BEND6: variants seen among roughly 807,000 people sequenced by gnomAD.
The protein encoded by BEND6 is BEN domain containing 6.
BEND6 carries 24 observed loss-of-function variants against 31.8 expected under a neutral mutation model. The ratio of observed to expected loss-of-function variants is 0.75; its 90% CI spans 0.55 to 1.06. BEND6 has a LOEUF of 1.06. Ranked by LOEUF, BEND6 falls within the 50% of genes least tolerant of loss-of-function variation. The pLI is 0.00. For missense variants in BEND6, 294 were observed against 327.4 expected (o/e 0.90, Z 0.79); for synonymous variants, 109 against 114.6 (o/e 0.95, Z 0.31).
intron 1 of BEND6, among the ~76,000 whole-genome samples, chr6:56,957,176 A>C (rs1385334298): frequency 6.6e-6 from 1 of 152,240 alleles, no homozygotes; most frequent in Non-Finnish European, 1.5e-5. Flanking sequence ...AACTGTTATC[A>C]TCCTGCGTCT....
At chr6:57,013,224 C>A (rs1299916294) in intron 3 of BEND6, among the ~76,000 whole-genome samples, 1 of 152,196 alleles carries the variant, frequency 6.6e-6, no homozygotes, top group Non-Finnish European at 1.5e-5. Context: ...AAACCACCCT[C>A]ATATTCAATA....
Position 57,016,637 on chromosome 6 carries a change from G to T in BEND6, c.520-570G>T, listed in dbSNP as rs1827569605. The stretch of plus-strand genomic sequence containing the variant: ...TTCAAAGCCAGCAACAGCAAGTGAA[G>T]TCCCTCTCACACTTCAGATCTTCCC... On this transcript the variant is annotated intron_variant, in intron 4 of 6. Coordinates refer to ENST00000370746, the MANE Select transcript of BEND6 (RefSeq NM_152731.3). 2.0e-5 allele frequency among the ~76,000 whole-genome samples: 3 copies of T among 152,174 alleles called. No homozygotes were observed. In the South Asian group the frequency reaches 6.2e-4, roughly 32 times the overall value.
At chr6:57,004,915 A>G in intron 3 of BEND6, 1 of 558,190 alleles carries the variant, frequency 1.8e-6, no homozygotes, top group Non-Finnish European at 3.2e-6. Context: ...CAGGAGGATG[A>G]GGCAAGAGAG....
At chr6:57,002,778 C>A (rs1826993252) in intron 3 of BEND6, among the ~76,000 whole-genome samples, 1 of 151,930 alleles carries the variant, frequency 6.6e-6, no homozygotes, top group South Asian at 2.1e-4. Context: ...CCTCAATGAT[C>A]TAACATTACA....
At chr6:57,011,672 C>T (rs1413081084) in intron 3 of BEND6, among the ~76,000 whole-genome samples, 1 of 124,516 alleles carries the variant, frequency 8.0e-6, no homozygotes, top group Non-Finnish European at 1.6e-5. Flanking sequence ...AAGCTGTGAT[C>T]ATGCCACTCT....
intron 6 of BEND6, among the ~76,000 whole-genome samples, chr6:57,019,909 A>G (rs1827683776): frequency 6.6e-6 from 1 of 152,148 alleles, no homozygotes; most frequent in Admixed American, 6.5e-5. Context: ...CCTGGCCAAC[A>G]TGGCAAGACC....
intron 2 of BEND6, among the ~76,000 whole-genome samples, chr6:56,985,637 G>A (rs1433273216): frequency 6.6e-6 from 1 of 152,178 alleles, no homozygotes; most frequent in Non-Finnish European, 1.5e-5. Context: ...AGCCACGTGG[G>A]AGTCAGGGAA....
chr6:56,975,849 AATGCCT>A (rs577232562), intron 1 of BEND6: 63 of 529,874 alleles, frequency 1.2e-4, no homozygotes, highest in Middle Eastern at 9.8e-4. Context: ...ACTGACCTCT[AATGCCT>A]ATGTTCATCA....
intron 1 of BEND6, among the ~76,000 whole-genome samples, chr6:56,964,716 G>A (rs982904958): frequency 1.3e-5 from 2 of 152,096 alleles, no homozygotes; most frequent in Non-Finnish European, 2.9e-5. Context: ...ACTCAGGCTG[G>A]TAATTCTTGG....
At chr6:56,976,238 C>T (rs1169462133) in intron 1 of BEND6, among the ~76,000 whole-genome samples, 2 of 151,324 alleles carry the variant, frequency 1.3e-5, no homozygotes, top group African/African-American at 4.9e-5. Flanking sequence ...CTCTGTCACC[C>T]AGGCTGGAGT....
At chr6:57,012,698 C>T (rs1353301314) in intron 3 of BEND6, among the ~76,000 whole-genome samples, 1 of 152,006 alleles carries the variant, frequency 6.6e-6, no homozygotes, top group Non-Finnish European at 1.5e-5. Flanking sequence ...ATGTATACAG[C>T]ATGGTTCTAA....
chr6:56,980,291 C>A (rs1826023777), intron 1 of BEND6, among the ~76,000 whole-genome samples: 1 of 152,186 alleles, frequency 6.6e-6, no homozygotes. Context: ...CAGGTTCAAG[C>A]AATTCTCATG....
chr6:57,021,616 C>G (rs752422903), intron 6 of BEND6, among the ~76,000 whole-genome samples: 28 of 152,098 alleles, frequency 1.8e-4, no homozygotes, highest in Non-Finnish European at 3.4e-4. Flanking sequence ...TTTTTTCCAG[C>G]CTGTCTCCAT....
chr6:57,004,768 G>T, intron 3 of BEND6: 1 of 1,034,726 alleles, frequency 9.7e-7, no homozygotes, highest in Non-Finnish European at 1.5e-6. Context: ...TCACCTGAAT[G>T]AGCAGGTGAA....
chr6:56,982,069 A>G (rs1301080082), intron 2 of BEND6, 139 bp downstream of exon 2: 8 of 1,085,624 alleles, frequency 7.4e-6, no homozygotes, highest in Non-Finnish European at 8.9e-6. Flanking sequence ...AGAAAATATA[A>G]TCTTATGTTC....
intron 3 of BEND6, among the ~76,000 whole-genome samples, chr6:57,013,236 T>C (rs936224584): frequency 6.6e-6 from 1 of 152,124 alleles, no homozygotes; most frequent in African/African-American, 2.4e-5. Context: ...TATTCAATAA[T>C]TTGCTATAAT....
intron 6 of BEND6, among the ~76,000 whole-genome samples, chr6:57,025,774 C>G (rs1212958603): frequency 6.6e-6 from 1 of 152,160 alleles, no homozygotes; most frequent in Admixed American, 6.5e-5. Flanking sequence ...CTCTTACCAC[C>G]TGCTTGGAGC....
intron 3 of BEND6, among the ~76,000 whole-genome samples, chr6:57,011,715 C>CAAAA (rs770049459): frequency 2.9e-4 from 10 of 34,080 alleles, no homozygotes; most frequent in East Asian, 7.1e-4. Context: ...GGCCCTGTCT[C>CAAAA]AAAAAAAAAA....
chr6:56,992,551 T>G lies in BEND6; in HGVS notation c.294T>G (p.Leu98=). ...GACTTCGACAGTCTTTGGTCATGCT[T>G]CAAGGTAAACTTTGAGAAAATTGAC... ...NSRLRQSLVM[L]QVLPQAVTQF... The change falls in exon 3 of 7, where the codon CTT becomes CTG. Residue 98 remains leucine, a synonymous_variant. Transcript: ENST00000370746. 1 of 1,607,580 alleles carries G rather than the reference T, an allele frequency of 6.2e-7. No homozygotes were observed. Among genetic ancestry groups the G allele is most frequent in the Non-Finnish European group, 8.5e-7 (1 of 1,178,434 alleles).
Sources: allele counts gnomAD v4.1 joint callset (sites outside exome capture counted in the v4.1 genomes callset), GRCh38; gene constraint gnomAD v4.1.1; transcripts MANE v1.5; gene names NCBI Gene and HGNC (gene_info 2026-07-23, HGNC 2026-07-21).